Variants in EPC2 observed in about 807,000 individuals in gnomAD.
The protein encoded by EPC2 is enhancer of polycomb homolog 2.
Under a neutral mutation model 92.1 loss-of-function variants are expected in EPC2, and 14 were observed. That is an observed-to-expected ratio of 0.15 (90% CI 0.10 to 0.24). EPC2 has a LOEUF of 0.24. Ranked by LOEUF, EPC2 falls within the 10% of genes least tolerant of loss-of-function variation. The probability of loss-of-function intolerance (pLI) is 1.00; values close to 1 mark genes in which losing one functional copy is unlikely to be tolerated. For synonymous variants in EPC2, 340 were observed against 334.7 expected, an observed-to-expected ratio of 1.02 and a Z score of -0.17; for missense variants, 755 against 971.5, an observed-to-expected ratio of 0.78 and a Z score of 2.96.
chr2:148,701,575 C>T (rs572001552), intron 2 of EPC2, among the ~76,000 whole-genome samples: 1 of 152,192 alleles, frequency 6.6e-6, no homozygotes, highest in East Asian at 1.9e-4. Flanking sequence ...GCATGCTGAA[C>T]AAATCCCACT....
intron 5 of EPC2, 140 bp from the exon 6 acceptor site, chr2:148,762,530 G>T: frequency 1.5e-6 from 1 of 648,826 alleles, no homozygotes; most frequent in Non-Finnish European, 2.4e-6. Context: ...CTTTATTCCT[G>T]CAAATTTTAT....
At chr2:148,658,605 G>A (rs199770677) in intron 1 of EPC2, among the ~76,000 whole-genome samples, 1,024 of 20,540 alleles carry the variant, frequency 0.05, 9 homozygotes, top group Non-Finnish European at 0.15. Context: ...GTGTGTGTGT[G>A]TGTATATATA....
At chr2:148,715,339 A>G (rs1682236689) in intron 2 of EPC2, among the ~76,000 whole-genome samples, 1 of 152,070 alleles carries the variant, frequency 6.6e-6, no homozygotes, top group Non-Finnish European at 1.5e-5. Context: ...AGCCTCTTCT[A>G]GCGTTTTTAT....
intron 1 of EPC2, among the ~76,000 whole-genome samples, chr2:148,678,671 G>A (rs1324197014): frequency 7.2e-5 from 11 of 152,256 alleles, no homozygotes; most frequent in African/African-American, 1.9e-4. Flanking sequence ...GCCTGGGGCC[G>A]GCTGCTCCGA....
At chr2:148,679,202 C>G (rs1201292547) in intron 1 of EPC2, among the ~76,000 whole-genome samples, 5 of 151,982 alleles carry the variant, frequency 3.3e-5, no homozygotes, top group Non-Finnish European at 2.9e-5. Flanking sequence ...TCTTATTTAC[C>G]CATATCTGTA....
chr2:148,743,530 G>A (rs1189893628), intron 2 of EPC2, 92 bp from the exon 3 acceptor site: 1 of 1,030,218 alleles, frequency 9.7e-7, no homozygotes, highest in Non-Finnish European at 1.4e-6. Flanking sequence ...TCAGTGCACT[G>A]TAATTTAGAG....
At chr2:148,666,756 C>T (rs1487324269) in intron 1 of EPC2, among the ~76,000 whole-genome samples, 1 of 152,162 alleles carries the variant, frequency 6.6e-6, no homozygotes, top group Admixed American at 6.5e-5. Flanking sequence ...TGGTTCCATC[C>T]CAGGCCTACT....
rs749094942 is a variant in EPC2, at chr2:148,771,266, A to G, written c.1599A>G (p.Leu533=). Residue 533 remains leucine, a synonymous_variant, in exon 10 of 14, where the codon CTA becomes CTG. Coordinates refer to ENST00000258484, the MANE Select transcript of EPC2 (RefSeq NM_015630.4). ...CRLQCFQPRL[L]NLQDSDSEEC... ...TACAGTGTTTCCAGCCAAGGCTACT[A>G]AATTTACAGGACAGTGATAGTGAAG... is the stretch of plus-strand genomic sequence containing the variant. 6.2e-7 allele frequency: 1 copy of G among 1,613,882 alleles called. No homozygotes were observed. The highest frequency in any genetic ancestry group is 8.5e-7 in the Non-Finnish European group (1 of 1,179,876).
At chr2:148,776,088 C>T (rs993981226) in intron 10 of EPC2, among the ~76,000 whole-genome samples, 1 of 151,606 alleles carries the variant, frequency 6.6e-6, no homozygotes, top group African/African-American at 2.4e-5. Flanking sequence ...GCCAATATGA[C>T]TAATTTCCAA....
chr2:148,727,862 AGT>A (rs1322823517), intron 2 of EPC2, among the ~76,000 whole-genome samples: 1 of 152,120 alleles, frequency 6.6e-6, no homozygotes, highest in African/African-American at 2.4e-5. Flanking sequence ...TCAAAAGAAA[AGT>A]GTATAAAAAT....
chr2:148,651,704 C>G (rs972985824), intron 1 of EPC2, among the ~76,000 whole-genome samples: 1 of 152,108 alleles, frequency 6.6e-6, no homozygotes, highest in South Asian at 2.1e-4. Flanking sequence ...TTCTGAGCCT[C>G]AGGTTGTTCA....
chr2:148,670,514 T>G (rs538892217), intron 1 of EPC2, among the ~76,000 whole-genome samples: 5 of 152,208 alleles, frequency 3.3e-5, no homozygotes, highest in African/African-American at 1.2e-4. Context: ...CCCGTTAATA[T>G]GGGTTCATTT....
chr2:148,761,996 A>G (rs1265535125), intron 5 of EPC2, 66 bp downstream of exon 5: 1 of 1,385,118 alleles, frequency 7.2e-7, no homozygotes, highest in Non-Finnish European at 9.7e-7. Context: ...AATGAACCAA[A>G]AGATTTTTAG....
At chr2:148,777,302 T>C (rs116478723) in intron 10 of EPC2, among the ~76,000 whole-genome samples, 101 of 152,298 alleles carry the variant, frequency 6.6e-4, no homozygotes, top group African/African-American at 2.3e-3. Context: ...GTATTCCTCA[T>C]TAAGCTATGA....
At chr2:148,645,621 G>A (rs1683781846) in intron 1 of EPC2, 1 of 156,514 alleles carries the variant, frequency 6.4e-6, no homozygotes, top group Non-Finnish European at 1.4e-5. Flanking sequence ...ACTGTGGAAG[G>A]GTGCTTTCAA....
intron 2 of EPC2, among the ~76,000 whole-genome samples, chr2:148,732,105 T>C (rs561600755): frequency 4.6e-5 from 7 of 152,334 alleles, no homozygotes; most frequent in African/African-American, 9.6e-5. Context: ...GGCTCTCTTA[T>C]GGTTTTTCCT....
intron 1 of EPC2, among the ~76,000 whole-genome samples, chr2:148,685,457 C>T (rs1024203424): frequency 7.9e-5 from 12 of 152,174 alleles, no homozygotes; most frequent in Non-Finnish European, 1.8e-4. Context: ...TTTGGTTTCA[C>T]AGTGCATATA....
At chr2:148,783,788 T>G (rs931225050) in intron 12 of EPC2, 32 bp downstream of exon 12, 1 of 1,559,634 alleles carries the variant, frequency 6.4e-7, no homozygotes, top group Admixed American at 1.9e-5. Context: ...GTACCTACTT[T>G]CTTGAAGTTG....
chr2:148,688,699 C>T (rs1324922554), intron 1 of EPC2, among the ~76,000 whole-genome samples: 2 of 152,166 alleles, frequency 1.3e-5, no homozygotes, highest in Non-Finnish European at 2.9e-5. Flanking sequence ...TCTTTATATG[C>T]ATTTTGCATA....
Sources: gnomAD v4.1 joint callset for allele counts (sites outside exome capture counted in the v4.1 genomes callset) on GRCh38, gnomAD v4.1.1 for gene constraint, MANE v1.5 for transcripts, NCBI Gene and HGNC (gene_info 2026-07-23, HGNC 2026-07-21) for gene names.